Variants in RBFOX1 observed in about 807,000 individuals in gnomAD.
RBFOX1 encodes RNA binding fox-1 homolog 1.
RBFOX1 carries 8 observed loss-of-function variants against 57.7 expected under a neutral mutation model. That is an observed-to-expected ratio of 0.14 (90% confidence interval 0.08 to 0.25). The LOEUF (loss-of-function observed/expected upper bound fraction) is 0.25. RBFOX1 is among the 10% of genes least tolerant of loss of function. The probability of loss-of-function intolerance (pLI) is 1.00; values close to 1 mark genes in which losing one functional copy is unlikely to be tolerated. For missense variants in RBFOX1, 611 were observed against 548.5 expected (o/e 1.11, Z -1.14); for synonymous variants, 326 against 222.4 (o/e 1.47, Z -4.15).
At chr16:6,548,291 G>C (rs1038873451) in intron 2 of RBFOX1, among the ~76,000 whole-genome samples, 1 of 152,172 alleles carries the variant, frequency 6.6e-6, no homozygotes, top group Admixed American at 6.5e-5. Context: ...GAGATCATTT[G>C]AATCATTTTG....
chr16:5,699,098 A>AT (rs1343408229), intron 3 of RBFOX1, among the ~76,000 whole-genome samples: 2 of 149,356 alleles, frequency 1.3e-5, no homozygotes, highest in Non-Finnish European at 1.5e-5. Context: ...AGTGATTCTC[A>AT]TGCCTCAGCC....
intron 4 of RBFOX1, chr16:7,333,236 T>C: frequency 1.4e-6 from 1 of 696,662 alleles, no homozygotes; most frequent in Non-Finnish European, 2.5e-6. Context: ...ATCAAAAAGA[T>C]GGATCACCCT....
intron 3 of RBFOX1, among the ~76,000 whole-genome samples, chr16:6,729,718 A>T (rs1363455078): frequency 6.6e-6 from 1 of 152,142 alleles, no homozygotes; most frequent in Non-Finnish European, 1.5e-5. Context: ...TGACATATGA[A>T]AGCAGAATTC....
chr16:7,563,375 A>G (rs1326178174), intron 5 of RBFOX1, among the ~76,000 whole-genome samples: 1 of 152,208 alleles, frequency 6.6e-6, no homozygotes, highest in Non-Finnish European at 1.5e-5. Context: ...CACAGATAGG[A>G]AGCAGTGAAG....
chr16:6,566,577 G>T (rs997108581), intron 2 of RBFOX1, among the ~76,000 whole-genome samples: 1 of 152,120 alleles, frequency 6.6e-6, no homozygotes, highest in African/African-American at 2.4e-5. Context: ...TTTGTTTGCC[G>T]AAATACTGCT....
At chr16:6,154,242 G>C (rs1359707888) in intron 1 of RBFOX1, among the ~76,000 whole-genome samples, 1 of 152,196 alleles carries the variant, frequency 6.6e-6, no homozygotes, top group Non-Finnish European at 1.5e-5. Context: ...AAGGTTATCA[G>C]GTTGGTACAA....
At chr16:6,999,159 G>A (rs1022277137) in intron 3 of RBFOX1, among the ~76,000 whole-genome samples, 2 of 138,464 alleles carry the variant, frequency 1.4e-5, no homozygotes, top group South Asian at 5.0e-4. Flanking sequence ...GTGAGCCACT[G>A]AGCCTGGCCT....
chr16:5,932,992 G>A (rs1298188966), intron 4 of RBFOX1, among the ~76,000 whole-genome samples: 2 of 152,176 alleles, frequency 1.3e-5, no homozygotes, highest in Non-Finnish European at 2.9e-5. Flanking sequence ...TTAACAGCAT[G>A]ACGCCACTTA....
At chr16:6,837,770 CATT>C in intron 3 of RBFOX1, among the ~76,000 whole-genome samples, 1 of 152,266 alleles carries the variant, frequency 6.6e-6, no homozygotes, top group East Asian at 1.9e-4. Flanking sequence ...AAATAATTGT[CATT>C]ATTACAATCT....
intron 1 of RBFOX1, among the ~76,000 whole-genome samples, chr16:6,129,195 T>G (rs2096611751): frequency 6.6e-6 from 1 of 152,138 alleles, no homozygotes; most frequent in South Asian, 2.1e-4. Flanking sequence ...AAACAGACCC[T>G]GATGTGTCAT....
chr16:6,640,067 C>A (rs1022724246), intron 2 of RBFOX1, among the ~76,000 whole-genome samples: 1 of 151,982 alleles, frequency 6.6e-6, no homozygotes, highest in Non-Finnish European at 1.5e-5. Flanking sequence ...TAAGTTGCTG[C>A]GAAAAGCCAT....
At chr16:7,464,980 A>G (rs2060244993) in intron 4 of RBFOX1, among the ~76,000 whole-genome samples, 1 of 151,738 alleles carries the variant, frequency 6.6e-6, no homozygotes, top group African/African-American at 2.4e-5. Flanking sequence ...TACAGGGATG[A>G]GCCACCGAGC....
At position 6,613,003 on chromosome 16, in the gene RBFOX1, A is replaced by ATGTG. The variant is rs57236292; in HGVS notation, c.-63-41563_-63-41560dup. The stretch of plus-strand genomic sequence containing the variant: ...AGAGAAGGCAGGTGCCAGTCCCAGC[A>ATGTG]TGTGTGTGTGTGTGTGTGTGTGTGT... On this transcript the variant is annotated intron_variant, in intron 2 of 15. Coordinates refer to ENST00000550418, the MANE Select transcript of RBFOX1 (RefSeq NM_018723.4). Among the ~76,000 whole-genome samples, 295 of 143,246 alleles carry ATGTG rather than the reference A, an allele frequency of 2.1e-3. 2 individuals carry two copies. The highest frequency in any genetic ancestry group is 6.1e-3 in the African/African-American group (234 of 38,426). 94.0% of individuals were successfully genotyped at this position (143,246 alleles called of 152,430 possible). A position where few individuals can be genotyped will look rare whatever the true frequency, so the allele number is the denominator to read the frequency against.
intron 3 of RBFOX1, among the ~76,000 whole-genome samples, chr16:6,927,002 A>T (rs150243689): frequency 6.6e-6 from 1 of 152,070 alleles, no homozygotes; most frequent in African/African-American, 2.4e-5. Flanking sequence ...TTGTCAAGCA[A>T]TTGCTACTCA....
intron 4 of RBFOX1, among the ~76,000 whole-genome samples, chr16:5,897,262 C>G (rs1020641732): frequency 6.6e-6 from 1 of 151,912 alleles, no homozygotes; most frequent in Non-Finnish European, 1.5e-5. Context: ...GTCTCGATCT[C>G]CTGACCTCAT....
intron 3 of RBFOX1, among the ~76,000 whole-genome samples, chr16:5,655,010 C>G (rs1020555173): frequency 6.6e-6 from 1 of 152,176 alleles, no homozygotes; most frequent in African/African-American, 2.4e-5. Flanking sequence ...CACACTGGGT[C>G]CAGCCTACGC....
intron 1 of RBFOX1, among the ~76,000 whole-genome samples, chr16:6,035,804 T>A (rs2095358136): frequency 6.6e-6 from 1 of 152,158 alleles, no homozygotes; most frequent in Non-Finnish European, 1.5e-5. Flanking sequence ...CATGGTGCCT[T>A]TTTGGCTGAG....
intron 1 of RBFOX1, among the ~76,000 whole-genome samples, chr16:6,161,292 G>A (rs1459293903): frequency 6.6e-6 from 1 of 151,734 alleles, no homozygotes; most frequent in African/African-American, 2.4e-5. Flanking sequence ...AGGGGGCTAA[G>A]GCAGGAGAAT....
intron 4 of RBFOX1, among the ~76,000 whole-genome samples, chr16:7,208,961 C>G (rs904192553): frequency 6.6e-5 from 10 of 152,038 alleles, no homozygotes; most frequent in Admixed American, 6.6e-5. Flanking sequence ...GACCCATCTA[C>G]TCTTCACTTC....
Sources: allele counts gnomAD v4.1 joint callset (sites outside exome capture counted in the v4.1 genomes callset), GRCh38; gene constraint gnomAD v4.1.1; transcripts MANE v1.5; gene names NCBI Gene and HGNC (gene_info 2026-07-23, HGNC 2026-07-21).